Variants in KCNA2 observed in about 807,000 individuals in gnomAD.
KCNA2 encodes the protein potassium channel, voltage gated shaker related subfamily A, member 2.
In KCNA2, 11 loss-of-function variants were observed where a neutral mutation model predicts 33.4. The observed-to-expected ratio is 0.33, with a 90% CI of 0.21 to 0.55. KCNA2 has a LOEUF of 0.55. KCNA2 is among the 20% of genes least tolerant of loss of function. The pLI is 0.93. For synonymous variants in KCNA2, 222 were observed against 231.3 expected (o/e 0.96, Z 0.37); for missense variants, 291 against 621.6 (o/e 0.47, Z 5.66).
Position 110,597,271 on chromosome 1 carries a change from T to C in KCNA2, c.*6012A>G. ...AAGGGGAAGCAAAAGGATCAAGTAA[T>C]GGCTTTTAGTGCATGGAAATGATCT... On this transcript the variant is annotated 3_prime_UTR_variant, in exon 3 of 3. Coordinates refer to ENST00000316361, the MANE Select transcript of KCNA2 (RefSeq NM_004974.4). 1.0e-6 allele frequency: 1 copy of C among 985,462 alleles called. No individual in the cohort carries two copies. Among genetic ancestry groups the C allele is most frequent in the Admixed American group, 6.1e-5 (1 of 16,284 alleles). The allele number at this position is 985,462 out of a possible 1,614,324, so 61.0% of individuals were successfully genotyped here.
chr1:110,603,153 G>A lies in KCNA2; in HGVS notation c.*130C>T. On this transcript the variant is annotated 3_prime_UTR_variant, in exon 3 of 3. Transcript: ENST00000316361. The surrounding 1 kb of genome is among the most constrained non-coding windows in gnomAD (Gnocchi z 5.7). ...TAAATCAAAAGTCAAAAGATCAAAA[G>A]TCACTTGCACAACTATTGCTTTCCA... 1 of 1,458,872 alleles carries A rather than the reference G, an allele frequency of 6.9e-7. No homozygotes were observed. The highest frequency in any genetic ancestry group is 9.0e-7 in the Non-Finnish European group (1 of 1,110,854). The allele number at this position is 1,458,872 out of a possible 1,614,324, so 90.4% of individuals were successfully genotyped here.
In KCNA2 at chr1:110,602,000, T is replaced by C. The variant is rs1649375999; in HGVS notation, c.*1283A>G. 6.5e-7 allele frequency: 1 copy of C among 1,542,004 alleles called. No individual in the cohort carries two copies. The highest frequency in any genetic ancestry group is 8.8e-7 in the Non-Finnish European group (1 of 1,141,532). On this transcript the variant is annotated 3_prime_UTR_variant, in exon 3 of 3. Transcript: ENST00000316361. ...GAACGCGTGAAAGAGAGATACTCGA[T>C]ATATATTTATATACACTGGATCCAC...
intron 1 of KCNA2, among the ~76,000 whole-genome samples, chr1:110,625,625 G>A (rs769864607): frequency 5.3e-5 from 8 of 152,062 alleles, no homozygotes; most frequent in Non-Finnish European, 1.0e-4. Context: ...CAAAACTTTT[G>A]CACAGTAAAA....
chr1:110,617,788 G>C (rs1043980676), intron 1 of KCNA2, among the ~76,000 whole-genome samples: 2 of 152,244 alleles, frequency 1.3e-5, no homozygotes, highest in Admixed American at 1.3e-4. Context: ...CGAAGTGCAT[G>C]TGCACCTGTG....
chr1:110,599,546 A>C lies in KCNA2; in HGVS notation c.*3737T>G. On this transcript the variant is annotated 3_prime_UTR_variant, in exon 3 of 3. Coordinates refer to ENST00000316361, the MANE Select transcript of KCNA2 (RefSeq NM_004974.4). ...GTTGGCCCCTTTGGGCTTATGCACA[A>C]GAGCAAGTGAAATGCCACAAGCAAG... 2 of 985,486 alleles carry C rather than the reference A, an allele frequency of 2.0e-6. No individual in the cohort carries two copies. Among genetic ancestry groups the C allele is most frequent in the African/African-American group, 3.5e-5 (2 of 57,360 alleles). 61.0% of individuals were successfully genotyped at this position (985,486 alleles called of 1,614,324 possible).
chr1:110,598,213 G>T lies in KCNA2; in HGVS notation c.*5070C>A, dbSNP rs199902401. The T allele has an allele frequency of 5.7e-6, 3 of 524,108 alleles. No individual in the cohort carries two copies. The highest frequency in any genetic ancestry group is 3.0e-4 in the East Asian group (2 of 6,692). 32.5% of individuals were successfully genotyped at this position (524,108 alleles called of 1,614,324 possible). A position where few individuals can be genotyped will look rare whatever the true frequency, so the allele number is the denominator to read the frequency against. On this transcript the variant is annotated 3_prime_UTR_variant, in exon 3 of 3. Transcript: ENST00000316361. ...TATTATAGCCCTCGCAGATGAGGCG[G>T]CCATCACCCACATACAAGTTATTAT...
At position 110,602,355 on chromosome 1, in the gene KCNA2, A is replaced by G; in HGVS notation, c.*928T>C. ...TAACACTGTGTAGGCTACTAGGAAA[A>G]TAGGTTATCTCCTGTGTTTTAAATA... On this transcript the variant is annotated 3_prime_UTR_variant, in exon 3 of 3. Transcript: ENST00000316361. 1 of 1,415,530 alleles carries G rather than the reference A, an allele frequency of 7.1e-7. No homozygotes were observed. Among genetic ancestry groups the G allele is most frequent in the Non-Finnish European group, 9.2e-7 (1 of 1,089,942 alleles). The allele number at this position is 1,415,530 out of a possible 1,614,324, so 87.7% of individuals were successfully genotyped here.
chr1:110,599,538 T>A lies in KCNA2; in HGVS notation c.*3745A>T. The A allele has an allele frequency of 3.0e-6, 3 of 985,116 alleles. No homozygotes were observed. The highest frequency in any genetic ancestry group is 3.6e-6 in the Non-Finnish European group (3 of 829,876). 61.0% of individuals were successfully genotyped at this position (985,116 alleles called of 1,614,324 possible). On this transcript the variant is annotated 3_prime_UTR_variant, in exon 3 of 3. Coordinates refer to ENST00000316361, the MANE Select transcript of KCNA2 (RefSeq NM_004974.4). Reference sequence around the variant, plus strand: ...AATCAGGAGTTGGCCCCTTTGGGCTTATGCACAAGAGCAAGTGAAATGCCA... The same window carrying A: ...AATCAGGAGTTGGCCCCTTTGGGCTAATGCACAAGAGCAAGTGAAATGCCA...
In KCNA2 at chr1:110,600,431, T is replaced by G; in HGVS notation, c.*2852A>C. ...TTGTATGTGGTGTATGTTTGTCTTT[T>G]GTGTATGTTCTGTGTAAATTCTATA... On this transcript the variant is annotated 3_prime_UTR_variant, in exon 3 of 3. Coordinates refer to ENST00000316361, the MANE Select transcript of KCNA2 (RefSeq NM_004974.4). The G allele has an allele frequency of 1.0e-6, 1 of 985,184 alleles. No individual in the cohort carries two copies. The highest frequency in any genetic ancestry group is 1.2e-6 in the Non-Finnish European group (1 of 829,888). The allele number at this position is 985,184 out of a possible 1,614,324, so 61.0% of individuals were successfully genotyped here.
chr1:110,629,824 C>A (rs866052172), intron 1 of KCNA2, among the ~76,000 whole-genome samples: 1 of 151,874 alleles, frequency 6.6e-6, no homozygotes, highest in African/African-American at 2.4e-5. Flanking sequence ...TTAATTAAGA[C>A]GAGAGAAAAA....
rs565183856 is a variant in KCNA2 at position 110,597,821 on chromosome 1, A to G, written c.*5462T>C. 1 of 985,342 alleles carries G rather than the reference A, an allele frequency of 1.0e-6. No homozygotes were observed. Among genetic ancestry groups the G allele is most frequent in the South Asian group, 4.7e-5 (1 of 21,284 alleles). The allele number at this position is 985,342 out of a possible 1,614,324, so 61.0% of individuals were successfully genotyped here. ...TTTATTGCACTTTTCCTCTTTAAAA[A>G]TATTCAAACACAAACTATGAGAGAT... On this transcript the variant is annotated 3_prime_UTR_variant, in exon 3 of 3. Transcript: ENST00000316361.
Position 110,603,981 on chromosome 1 carries a change from T to C in KCNA2, c.802A>G (p.Ile268Val). ...IDIVAIIPYF[I>V]TLGTELAEKP... ...TCAGCCAACTCTGTCCCCAGGGTGATGAAGTAGGGGATGATGGCCACAATG... is the reference window on the plus strand; with the variant it reads ...TCAGCCAACTCTGTCCCCAGGGTGACGAAGTAGGGGATGATGGCCACAATG... Residue 268 changes from isoleucine (I) to valine (V), a missense_variant, in exon 3 of 3, where the codon ATC becomes GTC. Coordinates refer to ENST00000316361, the MANE Select transcript of KCNA2 (RefSeq NM_004974.4). The surrounding 1 kb of genome is among the most constrained non-coding windows in gnomAD (Gnocchi z 5.7). The C allele has an allele frequency of 6.2e-7, 1 of 1,614,106 alleles. No individual in the cohort carries two copies. The highest frequency in any genetic ancestry group is 8.5e-7 in the Non-Finnish European group (1 of 1,180,002).
In KCNA2 at chr1:110,594,877, T is replaced by C; in HGVS notation, c.*8406A>G. ...GTCAAAGTCCTTGCCCTACACTTCA[T>C]AGGCTAAAAAGGCAGTAATGTTAGC... On this transcript the variant is annotated 3_prime_UTR_variant, in exon 3 of 3. Transcript: ENST00000316361. 1 of 985,432 alleles carries C rather than the reference T, an allele frequency of 1.0e-6. No individual in the cohort carries two copies. The highest frequency in any genetic ancestry group is 4.7e-5 in the South Asian group (1 of 21,282). The allele number at this position is 985,432 out of a possible 1,614,324, so 61.0% of individuals were successfully genotyped here.
At chr1:110,606,849 C>T (rs1053701079), upstream of KCNA2, 9 of 152,292 alleles carry the variant, frequency 5.9e-5, no homozygotes, top group African/African-American at 1.9e-4. Context: ...GCAGCAAAGC[C>T]GTTTGTTATT....
chr1:110,611,943 G>C (rs72681743), intron 1 of KCNA2, among the ~76,000 whole-genome samples: 1 of 152,070 alleles, frequency 6.6e-6, no homozygotes, highest in African/African-American at 2.4e-5. Context: ...GATCAGCTGA[G>C]CCCCAGCGCG....
At chr1:110,610,313 A>G (rs945493027), upstream of KCNA2, among the ~76,000 whole-genome samples, 1 of 152,158 alleles carries the variant, frequency 6.6e-6, no homozygotes, top group Non-Finnish European at 1.5e-5. Context: ...AGTTCTTCCC[A>G]TTTGTGAATC....
chr1:110,600,833 G>A lies in KCNA2; in HGVS notation c.*2450C>T, dbSNP rs1649307435. ...TGCCCTGCAGATACCTGGGGATGTG[G>A]GTGACCAGGCACTAATGAGCACCCT... is the stretch of plus-strand genomic sequence containing the variant. On this transcript the variant is annotated 3_prime_UTR_variant, in exon 3 of 3. Coordinates refer to ENST00000316361, the MANE Select transcript of KCNA2 (RefSeq NM_004974.4). 4.1e-6 allele frequency: 4 copies of A among 985,416 alleles called. No homozygotes were observed. In the South Asian group the frequency reaches 1.4e-4, roughly 35 times the overall value. 61.0% of individuals were successfully genotyped at this position (985,416 alleles called of 1,614,324 possible).
chr1:110,602,949 G>A lies in KCNA2; in HGVS notation c.*334C>T, dbSNP rs1649423105. 2 of 1,084,810 alleles carry A rather than the reference G, an allele frequency of 1.8e-6. No individual in the cohort carries two copies. The highest frequency in any genetic ancestry group is 1.1e-6 in the Non-Finnish European group (1 of 894,710). The allele number at this position is 1,084,810 out of a possible 1,614,324, so 67.2% of individuals were successfully genotyped here. A position where few individuals can be genotyped will look rare whatever the true frequency, so the allele number is the denominator to read the frequency against. On this transcript the variant is annotated 3_prime_UTR_variant, in exon 3 of 3. Transcript: ENST00000316361. ...GGGGAGGGGAGTGCATCTCTTGGAT[G>A]TTGTGTGCATTTCATTAGGAAGGAA...
At position 110,599,055 on chromosome 1, in the gene KCNA2, G is replaced by A; in HGVS notation, c.*4228C>T. On this transcript the variant is annotated 3_prime_UTR_variant, in exon 3 of 3. Transcript: ENST00000316361. Reference sequence around the variant, plus strand: ...CAAAGCACACGTTTTGGACCCATATGTCCACTCCCTACTGTTGTTACCTTT... The same window carrying A: ...CAAAGCACACGTTTTGGACCCATATATCCACTCCCTACTGTTGTTACCTTT... 1 of 985,358 alleles carries A rather than the reference G, an allele frequency of 1.0e-6. No individual in the cohort carries two copies. Among genetic ancestry groups the A allele is most frequent in the Non-Finnish European group, 1.2e-6 (1 of 829,912 alleles). The allele number at this position is 985,358 out of a possible 1,614,324, so 61.0% of individuals were successfully genotyped here.
Sources: gnomAD v4.1 joint callset for allele counts (sites outside exome capture counted in the v4.1 genomes callset) on GRCh38, gnomAD v4.1.1 for gene constraint, Gnocchi (gnomAD v3.1) non-coding constraint, MANE v1.5 for transcripts, NCBI Gene and HGNC (gene_info 2026-07-23, HGNC 2026-07-21) for gene names.